Variants in GRIN2A observed in about 807,000 individuals in gnomAD.
GRIN2A encodes glutamate ionotropic receptor NMDA type subunit 2A, also known as glutamate receptor ionotropic, NMDA 2A.
GRIN2A carries 22 observed loss-of-function variants against 113.4 expected under a neutral mutation model. The ratio of observed to expected loss-of-function variants is 0.19; its 90% CI spans 0.14 to 0.28. The LOEUF is 0.28. GRIN2A is among the 10% of genes least tolerant of loss of function. The pLI is 1.00. For synonymous variants in GRIN2A, 827 were observed against 738.4 expected, an observed-to-expected ratio of 1.12 and a Z score of -1.94; for missense variants, 1,502 against 1,887.0, an observed-to-expected ratio of 0.80 and a Z score of 3.78.
intron 12 of GRIN2A, among the ~76,000 whole-genome samples, chr16:9,766,044 C>A (rs1370690678): frequency 6.6e-6 from 1 of 152,150 alleles, no homozygotes; most frequent in Non-Finnish European, 1.5e-5. Flanking sequence ...ACGTCTGGAA[C>A]ATTTTGATCT....
chr16:9,885,219 G>A (rs1051093522), intron 4 of GRIN2A, among the ~76,000 whole-genome samples: 2 of 152,136 alleles, frequency 1.3e-5, no homozygotes, highest in East Asian at 1.9e-4. Flanking sequence ...TGGCATACAC[G>A]TGGCATTGGT....
At chr16:10,074,640 T>C (rs8062624) in intron 2 of GRIN2A, among the ~76,000 whole-genome samples, 22,518 of 152,196 alleles carry the variant, frequency 0.15, 2,389 homozygotes, top group African/African-American at 0.29. Context: ...CAAAAGGCCA[T>C]GTATTATACA....
intron 2 of GRIN2A, among the ~76,000 whole-genome samples, chr16:10,005,305 G>T (rs1266789044): frequency 1.3e-5 from 2 of 152,162 alleles, no homozygotes; most frequent in Non-Finnish European, 2.9e-5. Context: ...CTTAAAAGTT[G>T]ATTTCTCTCC....
At chr16:9,844,020 A>G (rs2042728401) in intron 5 of GRIN2A, among the ~76,000 whole-genome samples, 1 of 152,134 alleles carries the variant, frequency 6.6e-6, no homozygotes, top group Non-Finnish European at 1.5e-5. Flanking sequence ...TTGGCCATGC[A>G]CTGATGCCCT....
chr16:9,857,496 A>G (rs1181436295), intron 4 of GRIN2A, among the ~76,000 whole-genome samples: 1 of 152,208 alleles, frequency 6.6e-6, no homozygotes, highest in Non-Finnish European at 1.5e-5. Flanking sequence ...GAGTTTTTTA[A>G]AAACAGCAAA....
chr16:9,769,806 A>G (rs192944906), intron 11 of GRIN2A, among the ~76,000 whole-genome samples: 1 of 152,314 alleles, frequency 6.6e-6, no homozygotes, highest in African/African-American at 2.4e-5. Flanking sequence ...TGCCTAACAC[A>G]GTGCCTGGCC....
chr16:9,917,410 T>G (rs563396323), intron 3 of GRIN2A, among the ~76,000 whole-genome samples: 1 of 152,358 alleles, frequency 6.6e-6, no homozygotes, highest in South Asian at 2.1e-4. Flanking sequence ...AATGGATGAA[T>G]GCAATTGTGA....
chr16:10,110,863 G>T (rs1325835101), intron 2 of GRIN2A, among the ~76,000 whole-genome samples: 1 of 152,144 alleles, frequency 6.6e-6, no homozygotes, highest in Admixed American at 6.5e-5. Context: ...CTTGTCAGAG[G>T]GCCGCCCTCT....
At position 9,927,346 on chromosome 16, in the gene GRIN2A, A is replaced by G. The variant is rs578238650; in HGVS notation, c.1007+10613T>C. On this transcript the variant is annotated intron_variant, in intron 3 of 12. Coordinates refer to ENST00000330684, the MANE Select transcript of GRIN2A (RefSeq NM_001134407.3). ...AGTACCTGGCATTTTCAAAATCACC[A>G]TTATTGGCCCAAGATGGGTACATGA... Among the ~76,000 whole-genome samples the G allele has an allele frequency of 3.9e-5, 6 of 152,300 alleles. No individual in the cohort carries two copies. In the South Asian group the frequency reaches 1.2e-3, roughly 32 times the overall value.
chr16:9,821,404 C>T (rs2042282319), intron 10 of GRIN2A, among the ~76,000 whole-genome samples: 1 of 152,086 alleles, frequency 6.6e-6, no homozygotes, highest in South Asian at 2.1e-4. Context: ...CCAGAGAGTT[C>T]CACATGCAAG....
At chr16:10,130,386 A>G (rs776734212) in intron 2 of GRIN2A, among the ~76,000 whole-genome samples, 39 of 152,284 alleles carry the variant, frequency 2.6e-4, no homozygotes, top group Non-Finnish European at 4.6e-4. Context: ...GAATTAATAG[A>G]ATTTTCGAGC....
intron 2 of GRIN2A, among the ~76,000 whole-genome samples, chr16:10,159,129 C>T (rs1365068684): frequency 1.3e-5 from 2 of 152,148 alleles, no homozygotes; most frequent in African/African-American, 4.8e-5. Flanking sequence ...GCTTCACTTT[C>T]CTCCTCTCTA....
At chr16:10,047,847 T>C (rs1398757217) in intron 2 of GRIN2A, among the ~76,000 whole-genome samples, 2 of 152,220 alleles carry the variant, frequency 1.3e-5, no homozygotes, top group African/African-American at 2.4e-5. Context: ...GTGTGCATTT[T>C]ACATTGATCT....
At chr16:9,954,886 C>A (rs1303635665) in intron 2 of GRIN2A, among the ~76,000 whole-genome samples, 1 of 152,120 alleles carries the variant, frequency 6.6e-6, no homozygotes, top group Admixed American at 6.5e-5. Flanking sequence ...GGCCAGCGTC[C>A]TTTATGTTCA....
At chr16:10,045,141 T>C (rs749216557) in intron 2 of GRIN2A, among the ~76,000 whole-genome samples, 2 of 152,212 alleles carry the variant, frequency 1.3e-5, no homozygotes, top group South Asian at 2.1e-4. Flanking sequence ...TCCTTGCCAA[T>C]TGGCCGAAGT....
chr16:10,113,952 C>T lies in GRIN2A; in HGVS notation c.414+66046G>A, dbSNP rs544639144. On this transcript the variant is annotated intron_variant, in intron 2 of 12. Coordinates refer to ENST00000330684, the MANE Select transcript of GRIN2A (RefSeq NM_001134407.3). ...GGCATGGTGGCTCACACATGTAATC[C>T]CAGCTACTCAGAAGGCTAGGGCAGA... 4.6e-5 allele frequency among the ~76,000 whole-genome samples: 7 copies of T among 152,092 alleles called. No homozygotes were observed. In the South Asian group the frequency reaches 1.0e-3, roughly 23 times the overall value.
At chr16:9,906,376 C>G (rs551578643) in intron 3 of GRIN2A, among the ~76,000 whole-genome samples, 2 of 152,180 alleles carry the variant, frequency 1.3e-5, no homozygotes, top group Non-Finnish European at 2.9e-5. Flanking sequence ...AGCTTTTGTT[C>G]CTACACCTCC....
chr16:10,137,007 T>G (rs1243333145), intron 2 of GRIN2A, among the ~76,000 whole-genome samples: 2 of 152,212 alleles, frequency 1.3e-5, no homozygotes, highest in Non-Finnish European at 2.9e-5. Context: ...GGATATAGCA[T>G]GAAATATCTA....
At chr16:9,782,983 T>C (rs1332038348) in intron 11 of GRIN2A, among the ~76,000 whole-genome samples, 2 of 152,208 alleles carry the variant, frequency 1.3e-5, no homozygotes, top group African/African-American at 4.8e-5. Flanking sequence ...AGAACTGACA[T>C]ATCTCTTATT....
Sources: allele counts gnomAD v4.1 joint callset (sites outside exome capture counted in the v4.1 genomes callset), GRCh38; gene constraint gnomAD v4.1.1; transcripts MANE v1.5; gene names NCBI Gene and HGNC (gene_info 2026-07-23, HGNC 2026-07-21).